The following ANKFN1 variants were observed in gnomAD, a reference collection of about 807,000 sequenced individuals.
ANKFN1 encodes ankyrin repeat and fibronectin type III domain containing 1, also known as ankyrin repeat and fibronectin type-III domain-containing protein 1.
A neutral mutation model predicts 108.7 loss-of-function variants in ANKFN1; 74 were observed. That is an observed-to-expected ratio of 0.68 (90% confidence interval 0.56 to 0.83). The LOEUF is 0.83. ANKFN1 is among the 40% of genes least tolerant of loss of function. The pLI is 0.00. For missense variants in ANKFN1, 1,505 were observed against 1,382.3 expected (o/e 1.09, Z -1.41); for synonymous variants, 547 against 516.2 (o/e 1.06, Z -0.81).
intron 8 of ANKFN1, among the ~76,000 whole-genome samples, chr17:56,424,565 A>G (rs949609592): frequency 5.3e-5 from 8 of 152,350 alleles, no homozygotes; most frequent in African/African-American, 1.9e-4. Flanking sequence ...TGAGAAGTAG[A>G]CAGTTAGCCC....
At position 56,510,560 on chromosome 17, in the gene ANKFN1, C is replaced by A; in HGVS notation, c.2732C>A (p.Pro911His). ...TACGACTCCAGCGATGCCCTGAGCCCCAGAGACCTGGACCTGGTCTACCTA... is the reference window on the plus strand; with the variant it reads ...TACGACTCCAGCGATGCCCTGAGCCACAGAGACCTGGACCTGGTCTACCTA... ...SDYDSSDALSPRDLDLVYLSS... is the reference protein window; with the variant it reads ...SDYDSSDALSHRDLDLVYLSS... The change falls in exon 21 of 21, where the codon CCC becomes CAC. Residue 911 changes from proline to histidine, a missense_variant. Transcript: ENST00000682825. 6.5e-7 allele frequency: 1 copy of A among 1,536,204 alleles called. No individual in the cohort carries two copies. Among genetic ancestry groups the A allele is most frequent in the African/African-American group, 1.4e-5 (1 of 73,188 alleles).
chr17:56,273,425 A>T (rs9908702), intron 3 of ANKFN1, among the ~76,000 whole-genome samples: 15,355 of 152,152 alleles, frequency 0.1, 1,023 homozygotes, highest in African/African-American at 0.18. Context: ...TCTGAATTTT[A>T]TGTAGTTTTT....
chr17:56,125,310 T>G (rs570293562), intron 4 of ANKFN1, among the ~76,000 whole-genome samples: 1 of 152,332 alleles, frequency 6.6e-6, no homozygotes, highest in Non-Finnish European at 1.5e-5. Flanking sequence ...GCTTAGTAAA[T>G]GGCTGTTAAA....
At chr17:56,144,103 C>A (rs1908090982) in intron 4 of ANKFN1, among the ~76,000 whole-genome samples, 1 of 125,718 alleles carries the variant, frequency 8.0e-6, no homozygotes, top group African/African-American at 3.1e-5. Flanking sequence ...ATTTGTTCAT[C>A]TTTGGATCCC....
chr17:56,101,951 A>G (rs1905655897), intron 4 of ANKFN1, among the ~76,000 whole-genome samples: 1 of 152,204 alleles, frequency 6.6e-6, no homozygotes, highest in Non-Finnish European at 1.5e-5. Context: ...ATGTTTGAGA[A>G]GCAATTAGTT....
intron 18 of ANKFN1, among the ~76,000 whole-genome samples, chr17:56,490,662 C>A (rs981305376): frequency 2.0e-4 from 31 of 152,052 alleles, no homozygotes; most frequent in African/African-American, 6.8e-4. Flanking sequence ...CATAGCTTGT[C>A]ATTTACTGAG....
intron 3 of ANKFN1, among the ~76,000 whole-genome samples, chr17:56,238,938 A>T (rs972280003): frequency 6.6e-6 from 1 of 151,834 alleles, no homozygotes; most frequent in Admixed American, 6.6e-5. Flanking sequence ...TATTAAGTTG[A>T]TTTTTTTTCT....
intron 3 of ANKFN1, among the ~76,000 whole-genome samples, chr17:56,298,948 C>A (rs1194374886): frequency 6.6e-6 from 1 of 152,152 alleles, no homozygotes; most frequent in South Asian, 2.1e-4. Flanking sequence ...ACATTTACCC[C>A]ATCTCAGTGA....
chr17:56,098,852 T>TGTGTGTGC (rs1185909258), intron 4 of ANKFN1, among the ~76,000 whole-genome samples: 37 of 120,364 alleles, frequency 3.1e-4, no homozygotes, highest in Non-Finnish European at 6.9e-5. Flanking sequence ...CAGAGGGGTG[T>TGTGTGTGC]GTGTGTGCGT....
intron 8 of ANKFN1, among the ~76,000 whole-genome samples, chr17:56,386,034 C>T (rs1348233030): frequency 5.3e-5 from 8 of 152,228 alleles, no homozygotes; most frequent in East Asian, 1.9e-4. Flanking sequence ...ATGTTTATTG[C>T]GGCACTATTC....
intron 1 of ANKFN1, among the ~76,000 whole-genome samples, chr17:56,191,918 T>C (rs1299587289): frequency 6.6e-6 from 1 of 151,600 alleles, no homozygotes; most frequent in Non-Finnish European, 1.5e-5. Context: ...CATTTCTTTT[T>C]ATTCTTTTTT....
At chr17:56,194,261 G>T (rs558892423) in intron 1 of ANKFN1, among the ~76,000 whole-genome samples, 1 of 152,016 alleles carries the variant, frequency 6.6e-6, no homozygotes, top group African/African-American at 2.4e-5. Flanking sequence ...CACACTTCTT[G>T]GTATTTATCC....
chr17:56,298,992 C>A (rs2044596789), intron 3 of ANKFN1, among the ~76,000 whole-genome samples: 1 of 152,188 alleles, frequency 6.6e-6, no homozygotes, highest in Non-Finnish European at 1.5e-5. Flanking sequence ...TTGGAATAGA[C>A]TTCATCTGAG....
At chr17:56,341,025 A>G (rs187732200) in intron 4 of ANKFN1, among the ~76,000 whole-genome samples, 1 of 151,938 alleles carries the variant, frequency 6.6e-6, no homozygotes, top group Non-Finnish European at 1.5e-5. Flanking sequence ...TCACCCCCCT[A>G]GTTAGCAGAA....
chr17:56,126,730 C>T (rs1355882878), intron 4 of ANKFN1, among the ~76,000 whole-genome samples: 3 of 152,228 alleles, frequency 2.0e-5, no homozygotes, highest in Non-Finnish European at 4.4e-5. Context: ...ACTCTTAGCA[C>T]TTGCTCCCAA....
chr17:56,247,561 T>G (rs1918046920), intron 3 of ANKFN1, among the ~76,000 whole-genome samples: 1 of 152,178 alleles, frequency 6.6e-6, no homozygotes, highest in African/African-American at 2.4e-5. Context: ...TTTATACCAG[T>G]GATTTTTCCT....
chr17:56,490,989 C>CA (rs2051019381), intron 18 of ANKFN1, among the ~76,000 whole-genome samples: 2 of 152,098 alleles, frequency 1.3e-5, no homozygotes, highest in South Asian at 4.2e-4. Context: ...GTAGGGTGGA[C>CA]AAAAATCTCT....
At chr17:56,274,589 G>C (rs888781731) in intron 3 of ANKFN1, among the ~76,000 whole-genome samples, 1 of 152,208 alleles carries the variant, frequency 6.6e-6, no homozygotes, top group African/African-American at 2.4e-5. Context: ...CACACAGCTA[G>C]TAAGTAGCAG....
At chr17:56,252,913 T>G (rs1406792613) in intron 3 of ANKFN1, among the ~76,000 whole-genome samples, 1 of 151,368 alleles carries the variant, frequency 6.6e-6, no homozygotes, top group East Asian at 1.9e-4. Flanking sequence ...TTTTTAAAAA[T>G]TAGCTGGGTA....
Sources: gnomAD v4.1 joint callset for allele counts (sites outside exome capture counted in the v4.1 genomes callset) on GRCh38, gnomAD v4.1.1 for gene constraint, MANE v1.5 for transcripts, NCBI Gene and HGNC (gene_info 2026-07-23, HGNC 2026-07-21) for gene names.